Variants in ATRNL1 observed in about 807,000 individuals in gnomAD.
The protein encoded by ATRNL1 is attractin-like protein 1.
In ATRNL1, 95 loss-of-function variants were observed where a neutral mutation model predicts 182.7. The ratio of observed to expected loss-of-function variants is 0.52; its 90% CI spans 0.44 to 0.62. The LOEUF (loss-of-function observed/expected upper bound fraction) is 0.62. ATRNL1 is among the 20% of genes least tolerant of loss of function. The pLI, the probability that ATRNL1 is intolerant of heterozygous loss-of-function variation, is 0.00. For synonymous variants in ATRNL1, 576 were observed against 568.3 expected, an observed-to-expected ratio of 1.01 and a Z score of -0.19; for missense variants, 1,471 against 1,679.5, an observed-to-expected ratio of 0.88 and a Z score of 2.17.
intron 28 of ATRNL1, among the ~76,000 whole-genome samples, chr10:115,925,171 T>C (rs1271897869): frequency 6.6e-6 from 1 of 152,172 alleles, no homozygotes; most frequent in Non-Finnish European, 1.5e-5. Flanking sequence ...GCTTTCTAAA[T>C]ATAAAATCAT....
chr10:115,248,688 T>G (rs1467375360), intron 10 of ATRNL1, among the ~76,000 whole-genome samples: 1 of 151,966 alleles, frequency 6.6e-6, no homozygotes. Flanking sequence ...ATGAATGAGT[T>G]TTTTTTTAAA....
intron 5 of ATRNL1, among the ~76,000 whole-genome samples, chr10:115,130,489 G>C (rs1564758871): frequency 6.6e-6 from 1 of 152,038 alleles, no homozygotes; most frequent in Non-Finnish European, 1.5e-5. Flanking sequence ...TAGGCTTTGT[G>C]TAAATTATGC....
rs1211128690 is a variant in ATRNL1, at chr10:115,544,953, GT to G, written c.3717-4499del. ...TTAGCAAAGCAAGTGTTCTTAAACT[GT>G]TTTTTGTTTGTATGTATATTTTTTA... is the stretch of plus-strand genomic sequence containing the variant. On this transcript the variant is annotated intron_variant, in intron 25 of 28. Coordinates refer to ENST00000355044, the MANE Select transcript of ATRNL1 (RefSeq NM_207303.4). Among the ~76,000 whole-genome samples the G allele has an allele frequency of 2.6e-5, 4 of 152,090 alleles. No homozygotes were observed. The East Asian group carries it at 7.7e-4, about 29-fold the overall frequency.
intron 26 of ATRNL1, among the ~76,000 whole-genome samples, chr10:115,696,723 T>A (rs553764421): frequency 6.6e-6 from 1 of 152,264 alleles, no homozygotes; most frequent in Non-Finnish European, 1.5e-5. Context: ...ATTTTCACAC[T>A]GCTATAAAGA....
At chr10:115,170,950 TTA>T in intron 7 of ATRNL1, 85 bp from the exon 8 acceptor site, 2 of 822,258 alleles carry the variant, frequency 2.4e-6, no homozygotes, top group Non-Finnish European at 3.4e-6. Context: ...TACTAAAATT[TTA>T]TGTAAATTTA....
intron 14 of ATRNL1, among the ~76,000 whole-genome samples, chr10:115,285,620 T>C (rs4531380): frequency 0.99 from 150,796 of 152,148 alleles, 74,741 homozygotes; most frequent in Middle Eastern, 1. Flanking sequence ...TATGTTTCAT[T>C]TTTAGAAAGA....
At chr10:115,468,793 A>G (rs1848176176) in intron 23 of ATRNL1, among the ~76,000 whole-genome samples, 1 of 150,762 alleles carries the variant, frequency 6.6e-6, no homozygotes, top group African/African-American at 2.4e-5. Context: ...TTCTAGAGCC[A>G]CATATACCTG....
intron 27 of ATRNL1, among the ~76,000 whole-genome samples, chr10:115,798,551 A>G (rs1949713647): frequency 6.6e-6 from 1 of 152,180 alleles, no homozygotes; most frequent in Non-Finnish European, 1.5e-5. Flanking sequence ...CCATAAAATG[A>G]TCTGCCCCAT....
At chr10:115,632,149 A>G (rs1858552842) in intron 26 of ATRNL1, among the ~76,000 whole-genome samples, 1 of 152,166 alleles carries the variant, frequency 6.6e-6, no homozygotes, top group African/African-American at 2.4e-5. Flanking sequence ...TAACTGTGGA[A>G]TTATATAGAT....
At chr10:115,260,222 A>G (rs1851337396) in intron 10 of ATRNL1, among the ~76,000 whole-genome samples, 1 of 152,252 alleles carries the variant, frequency 6.6e-6, no homozygotes, top group Non-Finnish European at 1.5e-5. Context: ...AAACCAGAAC[A>G]TGACTGAGAG....
chr10:115,295,091 T>TGA (rs1853112187), intron 15 of ATRNL1, among the ~76,000 whole-genome samples: 1 of 151,576 alleles, frequency 6.6e-6, no homozygotes, highest in Non-Finnish European at 1.5e-5. Flanking sequence ...GAACAACCTA[T>TGA]GAGATTGGTT....
At chr10:115,864,045 A>G (rs1219579431) in intron 28 of ATRNL1, among the ~76,000 whole-genome samples, 1 of 152,154 alleles carries the variant, frequency 6.6e-6, no homozygotes, top group Non-Finnish European at 1.5e-5. Context: ...ATAGATAAAG[A>G]ATAGATAGTT....
In ATRNL1 at chr10:115,595,651, C is replaced by T. The variant is rs181582947; in HGVS notation, c.3795+46115C>T. ...ATCTTTTCCTTTTAAGATCTGAGTG[C>T]ACAATAATATTTGATTCATTTGAGT... On this transcript the variant is annotated intron_variant, in intron 26 of 28. Coordinates refer to ENST00000355044, the MANE Select transcript of ATRNL1 (RefSeq NM_207303.4). 2.1e-3 allele frequency among the ~76,000 whole-genome samples: 317 copies of T among 152,188 alleles called. 1 individual carries two copies. The highest frequency in any genetic ancestry group is 7.1e-3 in the African/African-American group (297 of 41,542).
At chr10:115,883,751 TG>T (rs371663428) in intron 28 of ATRNL1, among the ~76,000 whole-genome samples, 356 of 152,328 alleles carry the variant, frequency 2.3e-3, no homozygotes, top group African/African-American at 7.9e-3. Flanking sequence ...TCTAGAGCTT[TG>T]GTATAGAAAG....
At chr10:115,415,873 G>A (rs1845364575) in intron 20 of ATRNL1, among the ~76,000 whole-genome samples, 1 of 151,954 alleles carries the variant, frequency 6.6e-6, no homozygotes, top group African/African-American at 2.4e-5. Flanking sequence ...GCATGTGATA[G>A]TTGAGCCTGT....
chr10:115,417,816 T>C (rs1361050126), intron 20 of ATRNL1, among the ~76,000 whole-genome samples: 1 of 152,144 alleles, frequency 6.6e-6, no homozygotes, highest in East Asian at 1.9e-4. Context: ...CTTGGAGCCC[T>C]CCTGAGACTT....
At chr10:115,780,368 T>G (rs1484794023) in intron 27 of ATRNL1, among the ~76,000 whole-genome samples, 1 of 152,094 alleles carries the variant, frequency 6.6e-6, no homozygotes, top group Non-Finnish European at 1.5e-5. Context: ...TAAATAAACT[T>G]GAAACACAGT....
Position 115,506,101 on chromosome 10 carries a change from T to A in ATRNL1, c.3655-13162T>A, listed in dbSNP as rs1850098149. On this transcript the variant is annotated intron_variant, in intron 24 of 28. Coordinates refer to ENST00000355044, the MANE Select transcript of ATRNL1 (RefSeq NM_207303.4). ...TTAGTAGTTAAAATTAAAAAAAAAA[T>A]TCATTTCTTTTTCCCTTTTGCTGTC... Among the ~76,000 whole-genome samples, 4 of 152,058 alleles carry A rather than the reference T, an allele frequency of 2.6e-5. No individual in the cohort carries two copies. In the South Asian group the frequency reaches 6.2e-4, roughly 24 times the overall value.
intron 10 of ATRNL1, among the ~76,000 whole-genome samples, chr10:115,243,898 G>A (rs1194468497): frequency 6.6e-6 from 1 of 151,946 alleles, no homozygotes; most frequent in Non-Finnish European, 1.5e-5. Context: ...ATTATTTGTA[G>A]GTAGTTCTCA....
Sources: allele counts gnomAD v4.1 joint callset (sites outside exome capture counted in the v4.1 genomes callset), GRCh38; gene constraint gnomAD v4.1.1; transcripts MANE v1.5; gene names NCBI Gene and HGNC (gene_info 2026-07-23, HGNC 2026-07-21).